ADAMTS17: variants seen among roughly 807,000 people sequenced by gnomAD.
ADAMTS17 encodes the protein ADAM metallopeptidase with thrombospondin type 1 motif 17.
ADAMTS17 carries 113 observed loss-of-function variants against 141.5 expected under a neutral mutation model. The ratio of observed to expected loss-of-function variants is 0.80; its 90% CI spans 0.69 to 0.93. The LOEUF is 0.93. ADAMTS17 is among the 40% of genes least tolerant of loss of function. The pLI is 0.00. For synonymous variants in ADAMTS17, 768 were observed against 630.6 expected, an observed-to-expected ratio of 1.22 and a Z score of -3.27; for missense variants, 1,659 against 1,517.9, an observed-to-expected ratio of 1.09 and a Z score of -1.54.
chr15:100,228,523 C>G (rs769386911), intron 7 of ADAMTS17, among the ~76,000 whole-genome samples: 2 of 151,936 alleles, frequency 1.3e-5, no homozygotes, highest in African/African-American at 4.8e-5. Context: ...GGGACTGGAC[C>G]GAGGAGAAAA....
chr15:100,262,973 G>C (rs1211087254), intron 4 of ADAMTS17, among the ~76,000 whole-genome samples: 1 of 152,042 alleles, frequency 6.6e-6, no homozygotes, highest in Non-Finnish European at 1.5e-5. Context: ...ATGTATATAA[G>C]AGAAACCTCT....
At chr15:100,259,094 G>C (rs1284868015) in intron 6 of ADAMTS17, among the ~76,000 whole-genome samples, 1 of 152,186 alleles carries the variant, frequency 6.6e-6, no homozygotes, top group East Asian at 1.9e-4. Context: ...CAAAACACCA[G>C]AAACTATAGA....
intron 16 of ADAMTS17, among the ~76,000 whole-genome samples, chr15:100,052,433 G>C (rs1176577028): frequency 6.6e-6 from 1 of 152,248 alleles, no homozygotes; most frequent in Non-Finnish European, 1.5e-5. Context: ...AGCGAGGGCT[G>C]AAACTTCAGT....
intron 6 of ADAMTS17, among the ~76,000 whole-genome samples, chr15:100,258,905 T>C (rs2043421982): frequency 6.6e-6 from 1 of 152,168 alleles, no homozygotes; most frequent in African/African-American, 2.4e-5. Context: ...AAAGGGCTAA[T>C]ACAGACGTCC....
chr15:100,035,383 A>G (rs543270073), intron 18 of ADAMTS17, among the ~76,000 whole-genome samples: 65 of 152,230 alleles, frequency 4.3e-4, no homozygotes, highest in Non-Finnish European at 7.6e-4. Flanking sequence ...TTTCCAGAGT[A>G]CATATATTAT....
chr15:100,157,127 ACT>A (rs1479138378), intron 8 of ADAMTS17, among the ~76,000 whole-genome samples: 1 of 152,110 alleles, frequency 6.6e-6, no homozygotes, highest in Admixed American at 6.5e-5. Context: ...TCTTGTGAGA[ACT>A]CTCTCACTGT....
chr15:99,980,999 A>G (rs576509186), intron 20 of ADAMTS17, among the ~76,000 whole-genome samples: 18 of 152,314 alleles, frequency 1.2e-4, no homozygotes, highest in Admixed American at 7.8e-4. Flanking sequence ...ACGTTCCACA[A>G]CAATCCTCAG....
At chr15:100,248,193 G>A (rs1000139236) in intron 7 of ADAMTS17, among the ~76,000 whole-genome samples, 9 of 152,114 alleles carry the variant, frequency 5.9e-5, no homozygotes, top group Non-Finnish European at 1.2e-4. Context: ...ACTGGACAAC[G>A]AAAAGGGAGG....
At chr15:100,102,823 G>T (rs887208641) in intron 14 of ADAMTS17, among the ~76,000 whole-genome samples, 3 of 152,154 alleles carry the variant, frequency 2.0e-5, no homozygotes, top group Non-Finnish European at 4.4e-5. Context: ...TTGACAGCCC[G>T]TCAAGCTCTG....
At chr15:100,323,683 AG>A (rs2045805597) in intron 3 of ADAMTS17, among the ~76,000 whole-genome samples, 2 of 152,226 alleles carry the variant, frequency 1.3e-5, no homozygotes, top group Admixed American at 6.5e-5. Flanking sequence ...AAACCAAGCC[AG>A]TTCTTCGAAA....
chr15:100,182,165 T>C (rs1205865206), intron 8 of ADAMTS17, among the ~76,000 whole-genome samples: 1 of 152,148 alleles, frequency 6.6e-6, no homozygotes, highest in East Asian at 1.9e-4. Flanking sequence ...GGACTCACAG[T>C]TGCACATGGC....
intron 7 of ADAMTS17, among the ~76,000 whole-genome samples, chr15:100,203,185 G>C (rs1010558179): frequency 6.6e-6 from 1 of 152,164 alleles, no homozygotes; most frequent in South Asian, 2.1e-4. Flanking sequence ...CAACAAGCGT[G>C]TGCTTGTGTC....
chr15:100,312,405 C>A (rs1434330517), intron 3 of ADAMTS17, among the ~76,000 whole-genome samples: 2 of 152,212 alleles, frequency 1.3e-5, no homozygotes, highest in African/African-American at 4.8e-5. Flanking sequence ...TCCCCTGGAA[C>A]CTCCAGAAGG....
chr15:100,165,397 A>G lies in ADAMTS17; in HGVS notation c.1182-10077T>C, dbSNP rs137939817. 1.6e-3 allele frequency among the ~76,000 whole-genome samples: 244 copies of G among 152,216 alleles called. 1 individual carries two copies. The highest frequency in any genetic ancestry group is 5.1e-3 in the African/African-American group (213 of 41,550). On this transcript the variant is annotated intron_variant, in intron 8 of 21. Transcript: ENST00000268070. ...GATACCCACAGCGTGCCTCCCCCCA[A>G]TGCCTCCTGGGCATGCCATGGCTTC...
At chr15:100,152,945 T>C (rs1450653747) in intron 9 of ADAMTS17, among the ~76,000 whole-genome samples, 183 bp from the exon 10 acceptor site, 2 of 21,814 alleles carry the variant, frequency 9.2e-5, no homozygotes. Flanking sequence ...CCTCTTTTTC[T>C]ACATGGCCAA....
At chr15:100,285,016 C>T (rs1293092366) in intron 3 of ADAMTS17, among the ~76,000 whole-genome samples, 1 of 152,176 alleles carries the variant, frequency 6.6e-6, no homozygotes, top group Non-Finnish European at 1.5e-5. Flanking sequence ...AGGCCTCAAG[C>T]CTTCTCCTGT....
At chr15:100,107,900 A>C (rs1344385467) in intron 14 of ADAMTS17, among the ~76,000 whole-genome samples, 2 of 152,140 alleles carry the variant, frequency 1.3e-5, no homozygotes, top group East Asian at 3.9e-4. Flanking sequence ...CTCTCTCACA[A>C]CATGCCCAGC....
At chr15:100,136,360 T>G (rs2038333969) in intron 10 of ADAMTS17, among the ~76,000 whole-genome samples, 1 of 152,214 alleles carries the variant, frequency 6.6e-6, no homozygotes, top group Non-Finnish European at 1.5e-5. Flanking sequence ...AAGTTAGCAC[T>G]GCAGCGTCTC....
intron 15 of ADAMTS17, among the ~76,000 whole-genome samples, chr15:100,093,076 T>C (rs540919855): frequency 8.5e-5 from 13 of 152,268 alleles, no homozygotes. Context: ...CCAAGTTGAG[T>C]TGATTCCTTC....
Sources: gnomAD v4.1 joint callset for allele counts (sites outside exome capture counted in the v4.1 genomes callset) on GRCh38, gnomAD v4.1.1 for gene constraint, MANE v1.5 for transcripts, NCBI Gene and HGNC (gene_info 2026-07-23, HGNC 2026-07-21) for gene names.